Variants in SPECC1 observed in about 807,000 individuals in gnomAD.
The protein encoded by SPECC1 is cytospin-B.
Under a neutral mutation model 104.1 loss-of-function variants are expected in SPECC1, and 62 were observed. The observed-to-expected ratio is 0.60, with a 90% confidence interval of 0.49 to 0.74. SPECC1 has a LOEUF of 0.74. Ranked by LOEUF, SPECC1 falls within the 30% of genes least tolerant of loss-of-function variation. SPECC1 has a pLI of 0.00. For missense variants in SPECC1, 1,306 were observed against 1,310.5 expected, an observed-to-expected ratio of 1.00 and a Z score of 0.05; for synonymous variants, 513 against 501.6, an observed-to-expected ratio of 1.02 and a Z score of -0.30.
At chr17:20,167,621 T>C (rs993931105) in intron 3 of SPECC1, among the ~76,000 whole-genome samples, 2 of 152,182 alleles carry the variant, frequency 1.3e-5, no homozygotes, top group African/African-American at 4.8e-5. Context: ...GAGGTTGCAG[T>C]GAGCTGAGAT....
intron 13 of SPECC1, among the ~76,000 whole-genome samples, chr17:20,304,251 C>T (rs1337136490): frequency 6.6e-6 from 1 of 151,664 alleles, no homozygotes; most frequent in Non-Finnish European, 1.5e-5. Context: ...GCTCAAGCCA[C>T]TACACTCCAG....
chr17:20,167,852 T>A (rs553874577), intron 3 of SPECC1, among the ~76,000 whole-genome samples: 1 of 152,370 alleles, frequency 6.6e-6, no homozygotes, highest in East Asian at 1.9e-4. Context: ...TATGTACAGA[T>A]GATTATTTCT....
chr17:20,081,548 T>C (rs1172999055), intron 1 of SPECC1, among the ~76,000 whole-genome samples: 2 of 151,494 alleles, frequency 1.3e-5, no homozygotes, highest in Non-Finnish European at 2.9e-5. Context: ...AGCAGAGGAG[T>C]GATGGGATCT....
At chr17:20,251,083 T>C (rs2039609069) in intron 9 of SPECC1, among the ~76,000 whole-genome samples, 1 of 151,628 alleles carries the variant, frequency 6.6e-6, no homozygotes, top group Admixed American at 6.6e-5. Flanking sequence ...AAAAATTAGC[T>C]GGGCGTGGTG....
At chr17:20,020,723 C>A (rs1211644432) in intron 1 of SPECC1, among the ~76,000 whole-genome samples, 1 of 152,174 alleles carries the variant, frequency 6.6e-6, no homozygotes. Context: ...CCCATGCAAG[C>A]CCCTCTGTTG....
chr17:20,271,072 G>A (rs1003922454), intron 12 of SPECC1, among the ~76,000 whole-genome samples: 10 of 151,854 alleles, frequency 6.6e-5, no homozygotes, highest in African/African-American at 2.4e-4. Context: ...GCTCTTTTTG[G>A]TTTTCTTTTG....
At chr17:20,105,363 C>T (rs1483658344) in intron 2 of SPECC1, among the ~76,000 whole-genome samples, 1 of 152,184 alleles carries the variant, frequency 6.6e-6, no homozygotes, top group Non-Finnish European at 1.5e-5. Context: ...CAAATGTTTT[C>T]TCCATTTTAG....
chr17:20,060,137 CT>C (rs928499814), intron 1 of SPECC1, among the ~76,000 whole-genome samples: 3 of 150,888 alleles, frequency 2.0e-5, no homozygotes, highest in Non-Finnish European at 3.0e-5. Flanking sequence ...GTGTTTGTAC[CT>C]TTTTTTTTGG....
intron 1 of SPECC1, among the ~76,000 whole-genome samples, chr17:20,086,256 C>T (rs1192791163): frequency 1.3e-5 from 2 of 152,014 alleles, no homozygotes; most frequent in East Asian, 1.9e-4. Flanking sequence ...CAGAATTTTC[C>T]TGGGGAAGTA....
chr17:20,268,862 G>A (rs931568136), intron 12 of SPECC1, among the ~76,000 whole-genome samples: 22 of 152,244 alleles, frequency 1.4e-4, no homozygotes, highest in African/African-American at 4.8e-4. Flanking sequence ...TGGGGCACCC[G>A]CTCCCACTCC....
intron 12 of SPECC1, among the ~76,000 whole-genome samples, chr17:20,295,497 T>C (rs1026829553): frequency 1.3e-5 from 2 of 152,190 alleles, no homozygotes; most frequent in African/African-American, 4.8e-5. Context: ...CATGTGTCTT[T>C]ATAGCAGCGT....
At chr17:20,067,708 G>T (rs2046406509) in intron 1 of SPECC1, among the ~76,000 whole-genome samples, 1 of 151,776 alleles carries the variant, frequency 6.6e-6, no homozygotes, top group South Asian at 2.1e-4. Flanking sequence ...GAGATAACAT[G>T]TATTCACTTA....
intron 3 of SPECC1, among the ~76,000 whole-genome samples, chr17:20,194,291 C>T (rs1034307628): frequency 2.0e-5 from 3 of 150,306 alleles, no homozygotes; most frequent in East Asian, 3.9e-4. Flanking sequence ...TGGGGCTCTT[C>T]GACCTGTGAG....
chr17:20,174,922 G>A (rs922686634), intron 3 of SPECC1, among the ~76,000 whole-genome samples: 2 of 151,496 alleles, frequency 1.3e-5, no homozygotes, highest in African/African-American at 4.9e-5. Flanking sequence ...GCAAAATTTT[G>A]GTCAAAATTT....
chr17:20,195,430 C>A (rs1258795250), intron 3 of SPECC1, among the ~76,000 whole-genome samples: 1 of 152,156 alleles, frequency 6.6e-6, no homozygotes, highest in Admixed American at 6.6e-5. Context: ...ATACCAATAA[C>A]ACATTTATGT....
intron 3 of SPECC1, among the ~76,000 whole-genome samples, chr17:20,130,360 T>A (rs1268385125): frequency 6.6e-6 from 1 of 152,088 alleles, no homozygotes; most frequent in African/African-American, 2.4e-5. Flanking sequence ...CACGGCAAGA[T>A]CCCGTCTCTA....
chr17:20,157,273 G>C (rs1597838575), intron 3 of SPECC1, among the ~76,000 whole-genome samples: 1 of 152,066 alleles, frequency 6.6e-6, no homozygotes, highest in South Asian at 2.1e-4. Flanking sequence ...TGACACTTGG[G>C]GTACATTGGA....
At chr17:20,120,860 G>T (rs2048993031) in intron 3 of SPECC1, among the ~76,000 whole-genome samples, 1 of 152,164 alleles carries the variant, frequency 6.6e-6, no homozygotes, top group African/African-American at 2.4e-5. Context: ...TCTACTCCAG[G>T]AGAAATCATG....
chr17:20,023,201 G>C (rs189002445), intron 1 of SPECC1, among the ~76,000 whole-genome samples: 1 of 152,320 alleles, frequency 6.6e-6, no homozygotes, highest in Non-Finnish European at 1.5e-5. Flanking sequence ...GCTGCTATAG[G>C]TTGTATGTAA....
Sources: allele counts gnomAD v4.1 joint callset (sites outside exome capture counted in the v4.1 genomes callset), GRCh38; gene constraint gnomAD v4.1.1; transcripts MANE v1.5; gene names NCBI Gene and HGNC (gene_info 2026-07-23, HGNC 2026-07-21).